Variants in PLPPR1 observed in about 807,000 individuals in gnomAD.
PLPPR1 encodes the protein phospholipid phosphatase related 1.
Under a neutral mutation model 33.1 loss-of-function variants are expected in PLPPR1, and 10 were observed. The observed-to-expected ratio is 0.30, with a 90% CI of 0.19 to 0.51. PLPPR1 has a LOEUF of 0.51. PLPPR1 is among the 20% of genes least tolerant of loss of function. PLPPR1 has a pLI of 0.97. For synonymous variants in PLPPR1, 151 were observed against 151.0 expected (o/e 1.00, Z 0.00); for missense variants, 304 against 408.1 (o/e 0.74, Z 2.20).
intron 1 of PLPPR1, among the ~76,000 whole-genome samples, chr9:101,044,264 C>A (rs1378592020): frequency 6.6e-6 from 1 of 152,154 alleles, no homozygotes; most frequent in Non-Finnish European, 1.5e-5. Context: ...TGCTCTCTTG[C>A]GTATTTTGGG....
chr9:101,156,903 G>A (rs572809830), intron 1 of PLPPR1, among the ~76,000 whole-genome samples: 1 of 119,486 alleles, frequency 8.4e-6, no homozygotes, highest in East Asian at 2.1e-4. Flanking sequence ...AGATAATAAA[G>A]GTCCCTATAT....
At chr9:101,097,504 C>T in intron 1 of PLPPR1, among the ~76,000 whole-genome samples, 1 of 152,138 alleles carries the variant, frequency 6.6e-6, no homozygotes. Flanking sequence ...AACATGTGAA[C>T]AAGCATGTTT....
intron 2 of PLPPR1, among the ~76,000 whole-genome samples, chr9:101,263,172 T>A (rs567125538): frequency 4.1e-4 from 63 of 152,190 alleles, no homozygotes; most frequent in Admixed American, 3.0e-3. Flanking sequence ...AGAAAAATTT[T>A]AAAAAAATAA....
At chr9:101,115,727 T>A (rs938581977) in intron 1 of PLPPR1, among the ~76,000 whole-genome samples, 1 of 152,222 alleles carries the variant, frequency 6.6e-6, no homozygotes, top group Non-Finnish European at 1.5e-5. Flanking sequence ...CATCCCATTT[T>A]AATGAAAGGG....
chr9:101,078,859 C>T (rs1830582131), intron 1 of PLPPR1, among the ~76,000 whole-genome samples: 1 of 152,118 alleles, frequency 6.6e-6, no homozygotes, highest in Admixed American at 6.5e-5. Flanking sequence ...AAACTCAGCC[C>T]TCTTCCTATC....
At chr9:101,178,138 A>G (rs1382254726) in intron 1 of PLPPR1, among the ~76,000 whole-genome samples, 1 of 152,184 alleles carries the variant, frequency 6.6e-6, no homozygotes, top group African/African-American at 2.4e-5. Flanking sequence ...AGAATGACCT[A>G]TGACCTGTGG....
chr9:101,093,189 A>C (rs560468427), intron 1 of PLPPR1, among the ~76,000 whole-genome samples: 1 of 152,332 alleles, frequency 6.6e-6, no homozygotes, highest in South Asian at 2.1e-4. Flanking sequence ...TAGCACTTTC[A>C]TCTAAATTAT....
At chr9:101,173,886 A>G (rs1431823723) in intron 1 of PLPPR1, among the ~76,000 whole-genome samples, 1 of 152,130 alleles carries the variant, frequency 6.6e-6, no homozygotes, top group African/African-American at 2.4e-5. Flanking sequence ...ACATCCAGCA[A>G]TGTTCAGTAG....
At chr9:101,233,136 T>C (rs993481451) in intron 2 of PLPPR1, among the ~76,000 whole-genome samples, 2 of 152,012 alleles carry the variant, frequency 1.3e-5, no homozygotes, top group African/African-American at 4.8e-5. Context: ...AGAATCTTTT[T>C]CTGAACTGAA....
intron 2 of PLPPR1, among the ~76,000 whole-genome samples, chr9:101,235,587 G>C (rs1827282466): frequency 6.6e-6 from 1 of 151,354 alleles, no homozygotes; most frequent in Non-Finnish European, 1.5e-5. Flanking sequence ...TTTTTTCCAA[G>C]AAAAAAAATA....
At chr9:101,125,881 C>G in intron 1 of PLPPR1, 1 of 446,460 alleles carries the variant, frequency 2.2e-6, no homozygotes, top group East Asian at 4.2e-5. Flanking sequence ...ATCATAAAGG[C>G]CACAAACACC....
At chr9:101,170,746 G>C (rs994842707) in intron 1 of PLPPR1, among the ~76,000 whole-genome samples, 4 of 152,096 alleles carry the variant, frequency 2.6e-5, no homozygotes, top group South Asian at 2.1e-4. Flanking sequence ...GATCAGCCTG[G>C]GCAATGTAGT....
intron 1 of PLPPR1, among the ~76,000 whole-genome samples, chr9:101,097,012 A>G (rs1453982741): frequency 1.3e-5 from 2 of 151,950 alleles, no homozygotes; most frequent in African/African-American, 4.9e-5. Flanking sequence ...AGCTGCAGAC[A>G]TGTGTAACAT....
intron 2 of PLPPR1, among the ~76,000 whole-genome samples, chr9:101,237,690 A>G (rs554568204): frequency 1.1e-4 from 16 of 144,934 alleles, no homozygotes; most frequent in East Asian, 1.0e-3. Flanking sequence ...ATATATATAT[A>G]GCCTATATAT....
In PLPPR1 at chr9:101,311,007, A is replaced by G. The variant is rs113457481; in HGVS notation, c.636+1546A>G. On this transcript the variant is annotated intron_variant, in intron 5 of 7. Transcript: ENST00000374874. ...TTTTTAAACAAATAAAGCCCTCTGA[A>G]GTATCCAACATATTTTCAAATTTTC... 3.9e-5 allele frequency among the ~76,000 whole-genome samples: 6 copies of G among 152,340 alleles called. 1 individual carries two copies. Among genetic ancestry groups the G allele is most frequent in the South Asian group, 2.1e-4 (1 of 4,830 alleles).
At chr9:101,206,993 A>C (rs1826600021) in intron 2 of PLPPR1, among the ~76,000 whole-genome samples, 1 of 152,122 alleles carries the variant, frequency 6.6e-6, no homozygotes, top group South Asian at 2.1e-4. Context: ...TTTCCACCCT[A>C]GGTTTGGAAT....
chr9:101,152,705 T>A (rs898781432), intron 1 of PLPPR1, among the ~76,000 whole-genome samples: 5 of 147,842 alleles, frequency 3.4e-5, no homozygotes, highest in African/African-American at 1.2e-4. Flanking sequence ...GGTCAGATGG[T>A]GGTAGATGTG....
intron 1 of PLPPR1, among the ~76,000 whole-genome samples, chr9:101,146,186 A>G (rs1831519242): frequency 2.0e-5 from 3 of 152,172 alleles, no homozygotes; most frequent in Admixed American, 1.3e-4. Context: ...GAGGAACTAT[A>G]GTTTGTTTGC....
At chr9:101,072,354 G>T (rs1317972442) in intron 1 of PLPPR1, among the ~76,000 whole-genome samples, 1 of 152,092 alleles carries the variant, frequency 6.6e-6, no homozygotes, top group African/African-American at 2.4e-5. Flanking sequence ...AGAAAGGAAG[G>T]TATTCTCAAA....
Sources: allele counts gnomAD v4.1 joint callset (sites outside exome capture counted in the v4.1 genomes callset), GRCh38; gene constraint gnomAD v4.1.1; transcripts MANE v1.5; gene names NCBI Gene and HGNC (gene_info 2026-07-23, HGNC 2026-07-21).